DICER1: variants seen among roughly 807,000 people sequenced by gnomAD.
DICER1 encodes endoribonuclease Dicer.
A neutral mutation model predicts 194.1 loss-of-function variants in DICER1; 43 were observed. The observed-to-expected ratio is 0.22, with a 90% CI of 0.17 to 0.29. DICER1 has a LOEUF of 0.29. DICER1 is among the 10% of genes least tolerant of loss of function. The pLI is 1.00. For synonymous variants in DICER1, 832 were observed against 820.5 expected (o/e 1.01, Z -0.24); for missense variants, 1,608 against 2,317.0 (o/e 0.69, Z 6.28).
chr14:95,112,343 AAG>A (rs1400394553), intron 12 of DICER1, 96 bp from the exon 13 acceptor site: 1 of 1,012,614 alleles, frequency 9.9e-7, no homozygotes, highest in Non-Finnish European at 1.5e-6. Flanking sequence ...AACATTTTTA[AAG>A]TTCAATTTAC....
At chr14:95,147,922 G>A (rs1373060428) in intron 1 of DICER1, among the ~76,000 whole-genome samples, 1 of 152,188 alleles carries the variant, frequency 6.6e-6, no homozygotes, top group African/African-American at 2.4e-5. Context: ...TTACAGGCTG[G>A]GTGCAGTGGC....
chr14:95,132,653 C>G lies in DICER1; in HGVS notation c.169G>C (p.Asp57His), dbSNP rs570871959. ...TTTAAACAGACGATGGTATTATGAT[C>G]CAGAGCTGCTTCAAGCAGTTCAACC... The part of the protein sequence containing the change: ...YQVELLEAAL[D>H]HNTIVCLNTG... The change falls in exon 3 of 27, where the codon GAT (aspartate) becomes CAT (histidine). Residue 57 changes from aspartate to histidine, a missense_variant. Asp to His is a moderately conservative substitution (Grantham distance 81, BLOSUM62 -1). Around this residue, in one of 10 missense-constraint regions of DICER1, gnomAD observed 657 missense variants for 910.1 expected, o/e 0.72. Coordinates refer to ENST00000343455, the MANE Select transcript of DICER1 (RefSeq NM_177438.3). 6.2e-7 allele frequency: 1 copy of G among 1,613,948 alleles called. No homozygotes were observed. The highest frequency in any genetic ancestry group is 2.2e-5 in the East Asian group (1 of 44,832).
chr14:95,105,718 T>C lies in DICER1; in HGVS notation c.3053A>G (p.Glu1018Gly). Reference protein sequence around the residue: ...KGKALPLSSAEKRKAKWESLQ... With the variant: ...KGKALPLSSAGKRKAKWESLQ... ...ACTTTCCCATTTGGCTTTCCTCTTC[T>C]CAGCACTGCTTAAAGGAAGCGCTTT... Residue 1018 changes from glutamate to glycine, a missense_variant, in exon 19 of 27, where the codon GAG (glutamate) becomes GGG (glycine). By Grantham distance (98) the Glu-to-Gly change is moderately conservative (BLOSUM62 -2). Coordinates refer to ENST00000343455, the MANE Select transcript of DICER1 (RefSeq NM_177438.3). This position sits in a 1 kb window ranked among gnomAD's most constrained non-coding sequence, Gnocchi z 4.9. The C allele has an allele frequency of 6.2e-7, 1 of 1,614,180 alleles. No individual in the cohort carries two copies. Among genetic ancestry groups the C allele is most frequent in the Non-Finnish European group, 8.5e-7 (1 of 1,179,994 alleles).
intron 4 of DICER1, among the ~76,000 whole-genome samples, chr14:95,130,794 C>T (rs1207089815): frequency 6.6e-6 from 1 of 152,186 alleles, no homozygotes; most frequent in East Asian, 1.9e-4. Context: ...GCCTCCAGCA[C>T]ATGCTGGCTG....
chr14:95,105,870 A>T lies in DICER1; in HGVS notation c.2988-87T>A, dbSNP rs1265224688. On this transcript the variant is annotated intron_variant, in intron 18 of 26. Transcript: ENST00000343455. This position sits in a 1 kb window ranked among gnomAD's most constrained non-coding sequence, Gnocchi z 4.9. ...TCTCCAAAAACCACCTGAAGAGCTC[A>T]TTTCAACTACAGCCTCTTGGGCTAC... 7 of 1,395,496 alleles carry T rather than the reference A, an allele frequency of 5.0e-6. No homozygotes were observed. Among genetic ancestry groups the T allele is most frequent in the Middle Eastern group, 1.8e-4 (1 of 5,694 alleles). 86.4% of individuals were successfully genotyped at this position (1,395,496 alleles called of 1,614,324 possible). A position where few individuals can be genotyped will look rare whatever the true frequency, so the allele number is the denominator to read the frequency against.
chr14:95,098,674 GA>G (rs1404117889), intron 22 of DICER1, among the ~76,000 whole-genome samples: 28 of 152,286 alleles, frequency 1.8e-4, no homozygotes, highest in Admixed American at 1.6e-3. Context: ...GTTATTCATA[GA>G]AATACCATAC....
At chr14:95,109,891 T>C (rs2140050540) in intron 14 of DICER1, among the ~76,000 whole-genome samples, 2 of 152,342 alleles carry the variant, frequency 1.3e-5, no homozygotes, top group South Asian at 4.1e-4. Context: ...CACATAACTT[T>C]TATTACAGTA....
chr14:95,095,313 T>G (rs544084828), intron 23 of DICER1: 1 of 180,044 alleles, frequency 5.6e-6, no homozygotes, highest in South Asian at 1.2e-4. Context: ...AAGTAGAAGA[T>G]GACAGCAGAG....
At chr14:95,153,616 C>T (rs1195676533) in intron 1 of DICER1, among the ~76,000 whole-genome samples, 2 of 152,156 alleles carry the variant, frequency 1.3e-5, no homozygotes, top group African/African-American at 2.4e-5. Context: ...CATTAATCAA[C>T]GTGAGTTACA....
At chr14:95,090,799 C>G (rs1481229483) in intron 26 of DICER1, 136 bp from the exon 27 acceptor site, 21 of 1,140,648 alleles carry the variant, frequency 1.8e-5, no homozygotes, top group Middle Eastern at 5.0e-4. Context: ...CGCGTTACGA[C>G]TTACTGCAAT....
chr14:95,093,608 T>C (rs1890039683), intron 24 of DICER1, among the ~76,000 whole-genome samples: 1 of 152,220 alleles, frequency 6.6e-6, no homozygotes, highest in African/African-American at 2.4e-5. Context: ...CATGCCTCAA[T>C]GCTGGAAGCC....
chr14:95,155,325 C>A (rs1230211925), intron 1 of DICER1, among the ~76,000 whole-genome samples: 3 of 152,166 alleles, frequency 2.0e-5, no homozygotes, highest in Non-Finnish European at 4.4e-5. Flanking sequence ...AGACTGTCTA[C>A]GAAATATCTA....
chr14:95,128,853 T>C (rs1893701751), intron 6 of DICER1, among the ~76,000 whole-genome samples: 3 of 152,248 alleles, frequency 2.0e-5, no homozygotes, highest in Non-Finnish European at 4.4e-5. Flanking sequence ...GAAGGCTATT[T>C]TGACATAAAT....
At position 95,113,149 on chromosome 14, in the gene DICER1, A is replaced by C. The variant is rs1359370774; in HGVS notation, c.1983T>G (p.Gly661=). 1.6e-5 allele frequency: 26 copies of C among 1,613,072 alleles called. No individual in the cohort carries two copies. Among genetic ancestry groups the C allele is most frequent in the Non-Finnish European group, 2.1e-5 (25 of 1,179,102 alleles). Residue 661 remains glycine (G), a synonymous_variant, in exon 12 of 27, where the codon GGT becomes GGG. Transcript: ENST00000343455. The part of the protein sequence containing the change: ...PKCRTRELPD[G]TFYSTLYLPI... ...GCAGATAAAGAGTTGAATAAAATGT[A>C]CCATCAGGCAACTCTCGGGTTCTGC...
At position 95,094,044 on chromosome 14, in the gene DICER1, C is replaced by A. The variant is rs1060504969; in HGVS notation, c.5208G>T (p.Arg1736=). 6.2e-7 allele frequency: 1 copy of A among 1,614,084 alleles called. No homozygotes were observed. Among genetic ancestry groups the A allele is most frequent in the Non-Finnish European group, 8.5e-7 (1 of 1,180,024 alleles). The change falls in exon 24 of 27, where the codon CGG becomes CGT. Residue 1736 remains arginine (R), a synonymous_variant. Coordinates refer to ENST00000343455, the MANE Select transcript of DICER1 (RefSeq NM_177438.3). Reference sequence around the variant, plus strand: ...AGATGGTGTTGTTGACCAGGGCAGACCGCAGGTCTGTCAGGACCCCCGGGG... The same window carrying A: ...AGATGGTGTTGTTGACCAGGGCAGAACGCAGGTCTGTCAGGACCCCCGGGG... ...QHSPGVLTDL[R]SALVNNTIFA...
intron 22 of DICER1, among the ~76,000 whole-genome samples, chr14:95,098,541 T>C (rs542608382): frequency 2.3e-4 from 34 of 147,828 alleles, no homozygotes; most frequent in African/African-American, 6.4e-4. Flanking sequence ...AATTGAACTT[T>C]GTGTTGTATC....
intron 21 of DICER1, among the ~76,000 whole-genome samples, chr14:95,100,389 T>C (rs1231686579): frequency 1.3e-5 from 2 of 152,190 alleles, no homozygotes; most frequent in Non-Finnish European, 2.9e-5. Context: ...AGCTGCAAAG[T>C]GAAAACTGGC....
At chr14:95,156,128 G>A (rs1895844697) in intron 1 of DICER1, among the ~76,000 whole-genome samples, 1 of 152,144 alleles carries the variant, frequency 6.6e-6, no homozygotes, top group African/African-American at 2.4e-5. Flanking sequence ...ATTCAATATA[G>A]CTAACCTGTT....
At chr14:95,093,780 C>A (rs1243858427) in intron 24 of DICER1, 108 bp downstream of exon 24, 7 of 1,234,566 alleles carry the variant, frequency 5.7e-6, no homozygotes, top group African/African-American at 3.0e-5. Context: ...GGGTCCCACA[C>A]CCCTGACCTC....
Sources: gnomAD v4.1 joint callset for allele counts (sites outside exome capture counted in the v4.1 genomes callset) on GRCh38, gnomAD v4.1.1 for gene constraint, gnomAD v4.1.1 regional missense constraint, Gnocchi (gnomAD v3.1) non-coding constraint, MANE v1.5 for transcripts, NCBI Gene and HGNC (gene_info 2026-07-23, HGNC 2026-07-21) for gene names.